The following EYS variants were observed in gnomAD, a reference collection of about 807,000 sequenced individuals.
EYS encodes EGF-like photoreceptor maintenance factor, also known as protein eyes shut homolog.
In EYS, 250 loss-of-function variants were observed where a neutral mutation model predicts 282.1. The ratio of observed to expected loss-of-function variants is 0.89; its 90% CI spans 0.80 to 0.98. The LOEUF (loss-of-function observed/expected upper bound fraction) is 0.98, where lower values mean the gene tolerates loss of function less well. EYS is among the 50% of genes least tolerant of loss of function. The probability of loss-of-function intolerance (pLI) is 0.00; values close to 1 mark genes in which losing one functional copy is unlikely to be tolerated. For synonymous variants in EYS, 1,355 were observed against 1,282.9 expected (o/e 1.06, Z -1.20); for missense variants, 4,016 against 3,709.0 (o/e 1.08, Z -2.15).
intron 33 of EYS, among the ~76,000 whole-genome samples, chr6:64,061,953 C>T (rs1410168356): frequency 1.4e-5 from 2 of 147,620 alleles, no homozygotes; most frequent in African/African-American, 2.5e-5. Context: ...GGCAACAGAG[C>T]GAGACTCTTT....
chr6:64,626,267 G>GATATTTGTATATATT, intron 22 of EYS, 22 bp from the exon 23 acceptor site: 2 of 1,518,294 alleles, frequency 1.3e-6, no homozygotes, highest in Non-Finnish European at 1.8e-6. Flanking sequence ...AAATGAAAAC[G>GATATTTGTATATATT]ATATTTGTAT....
At chr6:64,887,287 G>T (rs1332499644) in intron 18 of EYS, among the ~76,000 whole-genome samples, 6 of 128,280 alleles carry the variant, frequency 4.7e-5, no homozygotes, top group African/African-American at 1.7e-4. Flanking sequence ...TTGTGGGGTG[G>T]GGGGAGGGGG....
intron 14 of EYS, among the ~76,000 whole-genome samples, chr6:64,991,093 C>A (rs1771046441): frequency 6.6e-6 from 1 of 151,510 alleles, no homozygotes; most frequent in South Asian, 2.1e-4. Flanking sequence ...AGTCTTACAT[C>A]ATACAGGGAA....
At chr6:64,222,610 G>A (rs1046054626) in intron 31 of EYS, among the ~76,000 whole-genome samples, 3 of 151,866 alleles carry the variant, frequency 2.0e-5, no homozygotes, top group Non-Finnish European at 4.4e-5. Context: ...AAATATTAAT[G>A]TAGTTCCTCT....
intron 31 of EYS, among the ~76,000 whole-genome samples, chr6:64,193,597 C>G (rs971121343): frequency 6.6e-6 from 1 of 152,042 alleles, no homozygotes; most frequent in African/African-American, 2.4e-5. Context: ...GTGTACTGCA[C>G]CCGTTAACTC....
At position 65,700,114 on chromosome 6, in the gene EYS, CAAAAAA is replaced by C. The variant is rs1178482636; in HGVS notation, c.-448+7015_-448+7020del. Among the ~76,000 whole-genome samples, 213 of 51,802 alleles carry C rather than the reference CAAAAAA, an allele frequency of 4.1e-3. 2 individuals are homozygous for C. The highest frequency in any genetic ancestry group is 9.6e-3 in the Admixed American group (29 of 3,034). The allele number at this position is 51,802 out of a possible 152,430, so 34.0% of individuals were successfully genotyped here. On this transcript the variant is annotated intron_variant, in intron 1 of 42. Transcript: ENST00000503581. The stretch of plus-strand genomic sequence containing the variant: ...TGGGTGACAGAGCGAGACTCCGTCT[CAAAAAA>C]AAAAAAAAAAAAAAAAAAACTATAT...
intron 5 of EYS, among the ~76,000 whole-genome samples, chr6:65,445,138 T>C (rs1314664181): frequency 6.6e-6 from 1 of 151,914 alleles, no homozygotes; most frequent in African/African-American, 2.4e-5. Flanking sequence ...TGATTGTTAA[T>C]GTTTTGATAA....
At chr6:64,624,468 G>A (rs985106494) in intron 23 of EYS, among the ~76,000 whole-genome samples, 16 of 152,124 alleles carry the variant, frequency 1.1e-4, no homozygotes, top group Admixed American at 5.9e-4. Flanking sequence ...TTGCTTGAAA[G>A]AGGCAAAATG....
intron 29 of EYS, among the ~76,000 whole-genome samples, chr6:64,358,348 T>C (rs887907942): frequency 1.3e-5 from 2 of 151,602 alleles, no homozygotes; most frequent in African/African-American, 4.8e-5. Context: ...CAAAACTTGG[T>C]GGACAATATA....
intron 30 of EYS, among the ~76,000 whole-genome samples, chr6:64,262,018 G>C (rs920941924): frequency 6.6e-6 from 1 of 152,002 alleles, no homozygotes; most frequent in South Asian, 2.1e-4. Flanking sequence ...GACTCCAAAA[G>C]TGCTGGGATT....
intron 30 of EYS, among the ~76,000 whole-genome samples, chr6:64,296,571 TATATATATATATACATATATA>T (rs1561913665): frequency 6.8e-4 from 6 of 8,802 alleles, no homozygotes; most frequent in African/African-American, 4.7e-3. Context: ...TATATATATA[TATATATATATATACATATATA>T]TATATATTTT....
intron 35 of EYS, among the ~76,000 whole-genome samples, chr6:63,933,839 A>G (rs1309651034): frequency 6.6e-6 from 1 of 152,160 alleles, no homozygotes; most frequent in African/African-American, 2.4e-5. Flanking sequence ...TGAGAGAGAG[A>G]CACACACACA....
chr6:64,589,715 C>T (rs989815036), intron 26 of EYS, among the ~76,000 whole-genome samples: 5 of 151,772 alleles, frequency 3.3e-5, no homozygotes, highest in African/African-American at 1.2e-4. Context: ...AACTTATATT[C>T]TGAATTATAT....
At chr6:65,292,031 C>A (rs955599720) in intron 12 of EYS, among the ~76,000 whole-genome samples, 1 of 151,286 alleles carries the variant, frequency 6.6e-6, no homozygotes, top group African/African-American at 2.4e-5. Context: ...TAAGTGATAC[C>A]AACAAAAAAA....
intron 26 of EYS, among the ~76,000 whole-genome samples, chr6:64,448,279 C>G (rs1435664555): frequency 6.6e-6 from 1 of 152,192 alleles, no homozygotes; most frequent in African/African-American, 2.4e-5. Context: ...AGTCTGAGAT[C>G]AAACTGCAAG....
At chr6:64,341,686 A>T (rs1038751680) in intron 29 of EYS, among the ~76,000 whole-genome samples, 3 of 151,786 alleles carry the variant, frequency 2.0e-5, no homozygotes, top group Non-Finnish European at 3.0e-5. Flanking sequence ...GAAATTTTTT[A>T]AAAAATGACT....
At chr6:64,758,966 G>C (rs1353179920) in intron 22 of EYS, among the ~76,000 whole-genome samples, 1 of 152,030 alleles carries the variant, frequency 6.6e-6, no homozygotes, top group Non-Finnish European at 1.5e-5. Flanking sequence ...GTGAAACCCG[G>C]TCTCTACTAA....
At chr6:64,146,162 G>A (rs1224022079) in intron 31 of EYS, among the ~76,000 whole-genome samples, 2 of 152,066 alleles carry the variant, frequency 1.3e-5, no homozygotes, top group East Asian at 1.9e-4. Flanking sequence ...TTATATTTAT[G>A]AGATTCACAG....
intron 10 of EYS, among the ~76,000 whole-genome samples, chr6:65,337,177 C>A (rs1770019426): frequency 6.6e-6 from 1 of 151,450 alleles, no homozygotes; most frequent in Non-Finnish European, 1.5e-5. Flanking sequence ...TCACTTTCTA[C>A]ATAGAGCTCA....
Sources: gnomAD v4.1 joint callset for allele counts (sites outside exome capture counted in the v4.1 genomes callset) on GRCh38, gnomAD v4.1.1 for gene constraint, MANE v1.5 for transcripts, NCBI Gene and HGNC (gene_info 2026-07-23, HGNC 2026-07-21) for gene names.